Variants in RIPK3 observed in about 807,000 individuals in gnomAD.
RIPK3 encodes the protein receptor interacting serine/threonine kinase 3, also known as receptor-interacting serine/threonine-protein kinase 3.
In RIPK3, 51 loss-of-function variants were observed where a neutral mutation model predicts 51.6. The observed-to-expected ratio is 0.99, with a 90% confidence interval of 0.79 to 1.25. The LOEUF is 1.25. RIPK3 is among the 50% of genes most tolerant of loss of function. RIPK3 has a pLI of 0.00. For synonymous variants in RIPK3, 246 were observed against 257.7 expected (o/e 0.95, Z 0.44); for missense variants, 654 against 650.4 (o/e 1.01, Z -0.06).
intron 3 of RIPK3, 43 bp from the exon 4 acceptor site, chr14:24,338,610 G>A (rs1332742952): frequency 1.2e-5 from 19 of 1,563,812 alleles, no homozygotes; most frequent in Non-Finnish European, 1.6e-5. Context: ...AAGACAAGGG[G>A]GCCAGAGAGC....
At position 24,338,314 on chromosome 14, in the gene RIPK3, T is replaced by C; in HGVS notation, c.618-19A>G. ...CCCGAAGCTGCAGGAGACACAAAGC[T>C]GAGGATCGGTCCAATCACTGGCAAG... On this transcript the variant is annotated intron_variant, in intron 4 of 9. Coordinates refer to ENST00000216274, the MANE Select transcript of RIPK3 (RefSeq NM_006871.4). The C allele has an allele frequency of 6.5e-7, 1 of 1,529,354 alleles. No homozygotes were observed. The highest frequency in any genetic ancestry group is 8.8e-7 in the Non-Finnish European group (1 of 1,137,760). The allele number at this position is 1,529,354 out of a possible 1,614,324, so 94.7% of individuals were successfully genotyped here.
In RIPK3 at chr14:24,337,096, C is replaced by T. The variant is rs570627168; in HGVS notation, c.1265G>A (p.Arg422Gln). The change falls in exon 8 of 10, where the codon CGA becomes CAA. Residue 422 changes from arginine to glutamine, a missense_variant. By Grantham distance (43) the Arg-to-Gln change is conservative (BLOSUM62 1). Coordinates refer to ENST00000216274, the MANE Select transcript of RIPK3 (RefSeq NM_006871.4). ...TSTGTPSPGP[R>Q]GNQGAERQGM... is the part of the protein sequence containing the mutation. ...CTGTCAATGTCTCACCTGATTCCCT[C>T]GGGGTCCAGGACTTGGTGTTCCAGT... 1.3e-5 allele frequency: 21 copies of T among 1,611,694 alleles called. No homozygotes were observed. In the East Asian group the frequency reaches 1.3e-4, roughly 10 times the overall value.
intron 9 of RIPK3, 103 bp from the exon 10 acceptor site, chr14:24,336,498 CA>C: frequency 6.7e-7 from 1 of 1,494,730 alleles, no homozygotes; most frequent in Non-Finnish European, 9.0e-7. Flanking sequence ...GTGGCTGTGT[CA>C]AGGTGTGCCC....
chr14:24,337,688 C>T lies in RIPK3; in HGVS notation c.900+7G>A, dbSNP rs1395044090. 17 of 1,603,962 alleles carry T rather than the reference C, an allele frequency of 1.1e-5. No homozygotes were observed. The highest frequency in any genetic ancestry group is 1.7e-4 in the Middle Eastern group (1 of 6,034). On this transcript the variant is annotated splice_region_variant and intron_variant, in intron 7 of 9. Transcript: ENST00000216274. ...AGCTCCTGGGGAGGGGTGATGTTGG[C>T]ACTCACCGTGGAGACAGCAGCATTC...
rs2042134600 is a variant in RIPK3, at chr14:24,336,371, T to C, written c.1361A>G (p.Asn454Ser). Reference sequence around the variant, plus strand: ...GTCTCCAACTTGCACCCCAGAGCAGTTGTATATGTTAACGAGCGGTCGCCC... The same window carrying C: ...GTCTCCAACTTGCACCCCAGAGCAGCTGTATATGTTAACGAGCGGTCGCCC... Reference protein sequence around the residue: ...VTGRPLVNIYNCSGVQVGDNN... With the variant: ...VTGRPLVNIYSCSGVQVGDNN... Residue 454 changes from asparagine to serine, a missense_variant, in exon 10 of 10, where the codon AAC becomes AGC. Asn to Ser is a conservative substitution (Grantham distance 46). Transcript: ENST00000216274. 1.2e-6 allele frequency: 2 copies of C among 1,613,472 alleles called. No individual in the cohort carries two copies. The highest frequency in any genetic ancestry group is 1.3e-5 in the African/African-American group (1 of 74,878).
At position 24,339,457 on chromosome 14, in the gene RIPK3, G is replaced by T. The variant is rs1465184165; in HGVS notation, c.161C>A (p.Ser54Ter). The T allele has an allele frequency of 6.2e-7, 1 of 1,614,184 alleles. No individual in the cohort carries two copies. The highest frequency in any genetic ancestry group is 1.3e-5 in the African/African-American group (1 of 75,034). ...GYDVAVKIVN[S>*]KAISREVKAM... ...GCTGGGGTCAACCGGGGTCACTCAC[G>T]AGTTTACGATCTTGACCGCCACATC... The change falls in exon 2 of 10, where the codon TCG (serine) becomes TAG (stop). Residue 54 changes from serine (S) to a stop codon, truncating the protein, a stop_gained and splice_region_variant. Coordinates refer to ENST00000216274, the MANE Select transcript of RIPK3 (RefSeq NM_006871.4). LOFTEE classifies it high-confidence loss of function. The surrounding 1 kb of genome is among the most constrained non-coding windows in gnomAD (Gnocchi z 4.0).
Position 24,339,891 on chromosome 14 carries a change from G to A in RIPK3, c.-65C>T. The A allele has an allele frequency of 6.6e-7, 1 of 1,510,042 alleles. No homozygotes were observed. The highest frequency in any genetic ancestry group is 1.3e-5 in the South Asian group (1 of 75,704). The allele number at this position is 1,510,042 out of a possible 1,614,324, so 93.5% of individuals were successfully genotyped here. ...CCGTAGGAGATGGAGTGACTTCTGG[G>A]GCTTGGTCCTTTCGCAGAGAGGGGA... On this transcript the variant is annotated 5_prime_UTR_variant, in exon 1 of 10. Transcript: ENST00000216274. The surrounding 1 kb of genome is among the most constrained non-coding windows in gnomAD (Gnocchi z 4.0).
Position 24,339,769 on chromosome 14 carries a change from T to A in RIPK3, c.20+38A>T. 3 of 1,566,402 alleles carry A rather than the reference T, an allele frequency of 1.9e-6. No homozygotes were observed. The highest frequency in any genetic ancestry group is 1.7e-6 in the Non-Finnish European group (2 of 1,156,960). ...GTCTGTGGGGCTCTCTGGGTGTGAA[T>A]GTCGGAGGCTGCGATCGACATGCCA... On this transcript the variant is annotated intron_variant, in intron 1 of 9. Coordinates refer to ENST00000216274, the MANE Select transcript of RIPK3 (RefSeq NM_006871.4). The surrounding 1 kb of genome is among the most constrained non-coding windows in gnomAD (Gnocchi z 4.0).
In RIPK3 at chr14:24,336,451, T is replaced by C. The variant is rs1346971530; in HGVS notation, c.1337-56A>G. Reference sequence around the variant, plus strand: ...GGTTTAGCTGTCAGAAAGGCCAAGTTGGGGGTGGGTGGGGAGTATGAAGTC... The same window carrying C: ...GGTTTAGCTGTCAGAAAGGCCAAGTCGGGGGTGGGTGGGGAGTATGAAGTC... On this transcript the variant is annotated intron_variant, in intron 9 of 9. Transcript: ENST00000216274. The C allele has an allele frequency of 2.5e-6, 4 of 1,577,284 alleles. No individual in the cohort carries two copies. The Admixed American group carries it at 6.8e-5, about 27-fold the overall frequency.
rs200951047 is a variant in RIPK3, at chr14:24,338,568, C to A, written c.472-1G>T. On this transcript the variant is annotated splice_acceptor_variant, in intron 3 of 9. Transcript: ENST00000216274. LOFTEE classifies it high-confidence loss of function. ...ATGTGGACAGGCCAAAATCTGCCAG[C>A]TGCAAAGGAAGGAAAGAAGTGGGAG... 1.9e-5 allele frequency: 30 copies of A among 1,593,936 alleles called. No individual in the cohort carries two copies. The highest frequency in any genetic ancestry group is 2.4e-5 in the Non-Finnish European group (28 of 1,164,492).
Position 24,336,241 on chromosome 14 carries a change from T to G in RIPK3, c.1491A>C (p.Gln497His). 6.2e-7 allele frequency: 1 copy of G among 1,614,114 alleles called. No individual in the cohort carries two copies. Among genetic ancestry groups the G allele is most frequent in the Non-Finnish European group, 8.5e-7 (1 of 1,180,028 alleles). The change falls in exon 10 of 10, where the codon CAA (glutamine) becomes CAC (histidine). Residue 497 changes from glutamine (Q) to histidine (H), a missense_variant. Physicochemically the swap from Gln to His is conservative, Grantham distance 24 (BLOSUM62 0). Coordinates refer to ENST00000216274, the MANE Select transcript of RIPK3 (RefSeq NM_006871.4). ...GLQHPPPVGS[Q>H]EGPKDPEAWS... ...AGGCTTCAGGATCTTTAGGGCCTTC[T>G]TGCGAACCTACTGGTGGGGGGTGCT... is the stretch of plus-strand genomic sequence containing the variant.
chr14:24,339,914 G>C lies in RIPK3; in HGVS notation c.-88C>G. The C allele has an allele frequency of 1.4e-6, 2 of 1,394,660 alleles. No individual in the cohort carries two copies. Among genetic ancestry groups the C allele is most frequent in the Non-Finnish European group, 2.0e-6 (2 of 1,021,720 alleles). 86.4% of individuals were successfully genotyped at this position (1,394,660 alleles called of 1,614,324 possible). A position where few individuals can be genotyped will look rare whatever the true frequency, so the allele number is the denominator to read the frequency against. On this transcript the variant is annotated 5_prime_UTR_variant, in exon 1 of 10. Transcript: ENST00000216274. This position sits in a 1 kb window ranked among gnomAD's most constrained non-coding sequence, Gnocchi z 4.0. ...GGGGCTTGGTCCTTTCGCAGAGAGG[G>C]GAAGGGGTCTGTCTGTGCAGGGGTC...
At chr14:24,338,815 G>A (rs1278685345) in intron 3 of RIPK3, 200 bp downstream of exon 3, 3 of 673,502 alleles carry the variant, frequency 4.5e-6, no homozygotes, top group South Asian at 3.9e-5. Flanking sequence ...GAAATGACTC[G>A]TGTGGCTCAG....
chr14:24,338,278 C>T lies in RIPK3; in HGVS notation c.635G>A (p.Trp212Ter), dbSNP rs755039497. Residue 212 changes from tryptophan (W) to a stop codon, truncating the protein, a stop_gained, in exon 5 of 10, where the codon TGG (tryptophan) becomes TAG (stop). Coordinates refer to ENST00000216274, the MANE Select transcript of RIPK3 (RefSeq NM_006871.4). LOFTEE classifies it high-confidence loss of function. The part of the protein sequence containing the change: ...SDVYSFGILM[W>*]AVLAGREVEL... Reference sequence around the variant, plus strand: ...AACTTCTCTTCCAGCAAGCACTGCCCACATTAGGATCCCGAAGCTGCAGGA... The same window carrying T: ...AACTTCTCTTCCAGCAAGCACTGCCTACATTAGGATCCCGAAGCTGCAGGA... 4 of 1,524,466 alleles carry T rather than the reference C, an allele frequency of 2.6e-6. No homozygotes were observed. The highest frequency in any genetic ancestry group is 2.3e-5 in the East Asian group (1 of 44,046). 94.4% of individuals were successfully genotyped at this position (1,524,466 alleles called of 1,614,324 possible).
intron 9 of RIPK3, 22 bp downstream of exon 9, chr14:24,336,863 G>T (rs2042141940): frequency 6.3e-7 from 1 of 1,598,058 alleles, no homozygotes; most frequent in Non-Finnish European, 8.6e-7. Context: ...ACAGGGAAAA[G>T]AAAGAGGTAG....
Position 24,339,782 on chromosome 14 carries a change from G to A in RIPK3, c.20+25C>T. 5 of 1,572,774 alleles carry A rather than the reference G, an allele frequency of 3.2e-6. No individual in the cohort carries two copies. Among genetic ancestry groups the A allele is most frequent in the Non-Finnish European group, 4.3e-6 (5 of 1,159,840 alleles). On this transcript the variant is annotated intron_variant, in intron 1 of 9. Transcript: ENST00000216274. The surrounding 1 kb of genome is among the most constrained non-coding windows in gnomAD (Gnocchi z 4.0). The stretch of plus-strand genomic sequence containing the variant: ...TCTGGGTGTGAATGTCGGAGGCTGC[G>A]ATCGACATGCCACTCCCTACTCACC...
At chr14:24,336,600 GC>G in intron 9 of RIPK3, 4 of 758,988 alleles carry the variant, frequency 5.3e-6, no homozygotes, top group Non-Finnish European at 8.3e-6. Context: ...GATCTTTTTT[GC>G]TGGGAGGTCC....
chr14:24,338,718 T>C (rs906070471), intron 3 of RIPK3, 151 bp from the exon 4 acceptor site: 195 of 1,119,968 alleles, frequency 1.7e-4, no homozygotes, highest in Middle Eastern at 3.0e-4. Context: ...TAGATCTAGG[T>C]GCCTTGTGGT....
At position 24,339,020 on chromosome 14, in the gene RIPK3, C is replaced by G. The variant is rs775238290; in HGVS notation, c.466G>C (p.Val156Leu). 1.9e-6 allele frequency: 3 copies of G among 1,611,894 alleles called. No homozygotes were observed. The highest frequency in any genetic ancestry group is 1.3e-5 in the African/African-American group (1 of 74,912). Residue 156 changes from valine (V) to leucine (L), a missense_variant, in exon 3 of 10, where the codon GTC becomes CTC. Coordinates refer to ENST00000216274, the MANE Select transcript of RIPK3 (RefSeq NM_006871.4). The surrounding 1 kb of genome is among the most constrained non-coding windows in gnomAD (Gnocchi z 4.0). Reference sequence around the variant, plus strand: ...AGGGGTGTAGACCAGCTGACCTTGACGTGCAGCTCTGGGTCCAGCAGGACG... The same window carrying G: ...AGGGGTGTAGACCAGCTGACCTTGAGGTGCAGCTCTGGGTCCAGCAGGACG... ...SNVLLDPELH[V>L]KLADFGLSTF...
Sources: gnomAD v4.1 joint callset for allele counts on GRCh38, gnomAD v4.1.1 for gene constraint, Gnocchi (gnomAD v3.1) non-coding constraint, MANE v1.5 for transcripts, NCBI Gene and HGNC (gene_info 2026-07-23, HGNC 2026-07-21) for gene names.